Variants in VWA3B observed in about 807,000 individuals in gnomAD.
VWA3B encodes the protein von Willebrand factor A domain containing 3B.
VWA3B carries 138 observed loss-of-function variants against 158.3 expected under a neutral mutation model. That is an observed-to-expected ratio of 0.87 (90% CI 0.76 to 1.00). The LOEUF is 1.00. Ranked by LOEUF, VWA3B falls within the 50% of genes least tolerant of loss-of-function variation. The pLI is 0.00. For missense variants in VWA3B, 1,555 were observed against 1,565.1 expected (o/e 0.99, Z 0.11); for synonymous variants, 596 against 587.3 (o/e 1.01, Z -0.21).
At chr2:98,246,247 TA>T (rs1383323109) in intron 19 of VWA3B, among the ~76,000 whole-genome samples, 3 of 152,162 alleles carry the variant, frequency 2.0e-5, no homozygotes, top group Admixed American at 2.0e-4. Flanking sequence ...ATTTTTCCAT[TA>T]TTTTAAAAAT....
At chr2:98,197,747 A>ATTTTTTCCCCCTTTTTT (rs1682176943) in intron 12 of VWA3B, among the ~76,000 whole-genome samples, 2 of 152,082 alleles carry the variant, frequency 1.3e-5, no homozygotes, top group African/African-American at 4.8e-5. Context: ...TTAAATATGC[A>ATTTTTTCCCCCTTTTTT]TCCACCTTTT....
Position 98,172,118 on chromosome 2 carries a change from C to T in VWA3B, c.1115-8898C>T, listed in dbSNP as rs573010852. Among the ~76,000 whole-genome samples the T allele has an allele frequency of 2.1e-4, 32 of 152,372 alleles. No homozygotes were observed. The East Asian group carries it at 5.8e-3, about 28-fold the overall frequency. On this transcript the variant is annotated intron_variant, in intron 8 of 27. Coordinates refer to ENST00000477737, the MANE Select transcript of VWA3B (RefSeq NM_144992.5). ...TAACCAGCTCAATTTGACCCTCTAC[C>T]TTGTCGCAAGGACAGAGGCTTTCTG...
At chr2:98,206,657 C>A in intron 12 of VWA3B, 1 of 356,484 alleles carries the variant, frequency 2.8e-6, no homozygotes, top group Non-Finnish European at 5.6e-6. Flanking sequence ...TGTTGAGGCT[C>A]CTGAGTTCAT....
In VWA3B at chr2:98,162,957, C is replaced by T. The variant is rs745816091; in HGVS notation, c.1095C>T (p.Asp365=). 34 of 1,614,146 alleles carry T rather than the reference C, an allele frequency of 2.1e-5. No homozygotes were observed. In the East Asian group the frequency reaches 3.6e-4, roughly 17 times the overall value. The part of the protein sequence containing the change: ...QRLVAEPPKP[D]VATVDCESET... ...TGGTGGCCGAGCCTCCCAAGCCCGA[C>T]GTGGCCACTGTGGACTGCGGTTGGT... Residue 365 remains aspartate (D), a synonymous_variant, in exon 8 of 28, where the codon GAC becomes GAT. Transcript: ENST00000477737.
chr2:98,123,331 G>T (rs1385461815), intron 5 of VWA3B, among the ~76,000 whole-genome samples: 3 of 152,208 alleles, frequency 2.0e-5, no homozygotes, highest in Non-Finnish European at 4.4e-5. Flanking sequence ...AGGAAAGTGG[G>T]CATTGTCTTG....
intron 2 of VWA3B, among the ~76,000 whole-genome samples, chr2:98,114,338 T>C (rs763014872): frequency 1.3e-5 from 2 of 152,226 alleles, no homozygotes; most frequent in African/African-American, 2.4e-5. Flanking sequence ...CAATGTCAGC[T>C]AAGAAGGTGA....
intron 19 of VWA3B, among the ~76,000 whole-genome samples, chr2:98,248,867 C>CTTTCTT (rs1553427608): frequency 1.3e-5 from 1 of 75,086 alleles, no homozygotes; most frequent in African/African-American, 5.6e-5. Flanking sequence ...TTCTTTCTTT[C>CTTTCTT]TTTCTTTCTT....
intron 22 of VWA3B, among the ~76,000 whole-genome samples, chr2:98,274,732 A>G (rs1688417728): frequency 6.6e-6 from 1 of 152,192 alleles, no homozygotes; most frequent in Non-Finnish European, 1.5e-5. Flanking sequence ...TGTGTGTTTT[A>G]GAAAGATTAT....
At chr2:98,260,121 C>A (rs1687389949) in intron 21 of VWA3B, among the ~76,000 whole-genome samples, 1 of 151,638 alleles carries the variant, frequency 6.6e-6, no homozygotes. Flanking sequence ...ATTTAAATAT[C>A]TTGAGAATTG....
At chr2:98,193,984 C>T (rs991894369) in intron 11 of VWA3B, among the ~76,000 whole-genome samples, 6 of 152,142 alleles carry the variant, frequency 3.9e-5, no homozygotes, top group Admixed American at 3.9e-4. Context: ...AAGAGAATGA[C>T]TGAAATGATG....
At chr2:98,093,408 C>T in intron 2 of VWA3B, 120 bp downstream of exon 2, 1 of 981,800 alleles carries the variant, frequency 1.0e-6, no homozygotes, top group Non-Finnish European at 1.5e-6. Flanking sequence ...ATCTTATATC[C>T]CTATCAGTAG....
At chr2:98,161,889 T>G (rs1678615118) in intron 7 of VWA3B, among the ~76,000 whole-genome samples, 1 of 152,166 alleles carries the variant, frequency 6.6e-6, no homozygotes, top group Non-Finnish European at 1.5e-5. Flanking sequence ...GTATTTTTAG[T>G]AGAGACGGGG....
intron 21 of VWA3B, among the ~76,000 whole-genome samples, chr2:98,266,276 T>C (rs1266419878): frequency 6.6e-6 from 1 of 152,102 alleles, no homozygotes; most frequent in Non-Finnish European, 1.5e-5. Flanking sequence ...TTAGCCAGTT[T>C]TCCCAGCACC....
chr2:98,296,860 T>C (rs1204180373), intron 23 of VWA3B, among the ~76,000 whole-genome samples: 1 of 151,584 alleles, frequency 6.6e-6, no homozygotes, highest in African/African-American at 2.4e-5. Context: ...CCTAGAATGA[T>C]AATCTATTCT....
intron 11 of VWA3B, 139 bp from the exon 12 acceptor site, chr2:98,194,222 T>A: frequency 1.4e-6 from 1 of 715,992 alleles, no homozygotes; most frequent in Non-Finnish European, 2.2e-6. Context: ...AGATAGGATA[T>A]TCTCTATTGA....
chr2:98,245,521 CA>C (rs1488409586), intron 19 of VWA3B: 1 of 456,450 alleles, frequency 2.2e-6, no homozygotes, highest in Non-Finnish European at 4.4e-6. Flanking sequence ...AGTGGGTGCA[CA>C]CAAGCCAAAT....
chr2:98,138,460 C>G (rs1386503102), intron 7 of VWA3B, among the ~76,000 whole-genome samples: 1 of 152,158 alleles, frequency 6.6e-6, no homozygotes, highest in African/African-American at 2.4e-5. Context: ...ATGAGCTCGC[C>G]CGTATTTTCT....
intron 20 of VWA3B, among the ~76,000 whole-genome samples, chr2:98,250,781 C>T (rs982983729): frequency 5.3e-5 from 8 of 151,984 alleles, no homozygotes; most frequent in African/African-American, 1.9e-4. Flanking sequence ...GTATTTGTAA[C>T]ACAAAGAAAG....
At chr2:98,297,756 T>A in intron 23 of VWA3B, 151 bp from the exon 24 acceptor site, 1 of 1,069,692 alleles carries the variant, frequency 9.3e-7, no homozygotes, top group Non-Finnish European at 1.2e-6. Flanking sequence ...CATCCTATGG[T>A]GCCCAAGATT....
Sources: allele counts gnomAD v4.1 joint callset (sites outside exome capture counted in the v4.1 genomes callset), GRCh38; gene constraint gnomAD v4.1.1; transcripts MANE v1.5; gene names NCBI Gene and HGNC (gene_info 2026-07-23, HGNC 2026-07-21).